The following FRMD5 variants were observed in gnomAD, a reference collection of about 807,000 sequenced individuals.
The protein encoded by FRMD5 is FERM domain-containing protein 5.
In FRMD5, 20 loss-of-function variants were observed where a neutral mutation model predicts 69.0. The ratio of observed to expected loss-of-function variants is 0.29; its 90% CI spans 0.20 to 0.42. The LOEUF is 0.42. Among genes scored for constraint, FRMD5 ranks in the 10% least tolerant of loss-of-function variants. FRMD5 has a pLI of 1.00. For synonymous variants in FRMD5, 271 were observed against 260.1 expected, an observed-to-expected ratio of 1.04 and a Z score of -0.40; for missense variants, 595 against 708.6, an observed-to-expected ratio of 0.84 and a Z score of 1.82.
At chr15:44,188,391 C>T (rs978808323) in intron 1 of FRMD5, among the ~76,000 whole-genome samples, 26 of 152,180 alleles carry the variant, frequency 1.7e-4, no homozygotes, top group African/African-American at 5.8e-4. Flanking sequence ...CTCTCCCTCT[C>T]CCTCACATTT....
At chr15:44,034,948 C>T in intron 1 of FRMD5, among the ~76,000 whole-genome samples, 1 of 152,164 alleles carries the variant, frequency 6.6e-6, no homozygotes. Context: ...ATACCTCAGT[C>T]CCTAAAGCTG....
chr15:43,949,422 C>G (rs1461680151), intron 1 of FRMD5, among the ~76,000 whole-genome samples: 1 of 152,176 alleles, frequency 6.6e-6, no homozygotes, highest in Admixed American at 6.5e-5. Flanking sequence ...ATTCTACTTC[C>G]TACTAAACTG....
chr15:44,198,251 G>T (rs149046363), upstream of FRMD5, among the ~76,000 whole-genome samples: 7 of 151,468 alleles, frequency 4.6e-5, no homozygotes, highest in South Asian at 6.3e-4. Context: ...TTGAGCCTAG[G>T]GGGAGGGGAA....
chr15:43,881,049 A>C (rs773504447), intron 13 of FRMD5, among the ~76,000 whole-genome samples: 1 of 152,328 alleles, frequency 6.6e-6, no homozygotes. Context: ...GTCTCTACAC[A>C]GAGAGCCTCA....
chr15:44,026,182 T>C (rs1260289762), intron 1 of FRMD5, among the ~76,000 whole-genome samples: 2 of 152,226 alleles, frequency 1.3e-5, no homozygotes, highest in African/African-American at 2.4e-5. Flanking sequence ...GGTTTCGCCA[T>C]GTTGGCCAGG....
chr15:44,198,805 GC>G (rs2078325341), upstream of FRMD5, among the ~76,000 whole-genome samples: 1 of 152,136 alleles, frequency 6.6e-6, no homozygotes, highest in Non-Finnish European at 1.5e-5. Flanking sequence ...TTAATAAAAG[GC>G]CTTATTTGCC....
chr15:44,037,469 C>CT (rs777164587), intron 1 of FRMD5, among the ~76,000 whole-genome samples: 1,623 of 137,544 alleles, frequency 0.012, 16 homozygotes, highest in African/African-American at 0.029. Flanking sequence ...TGTCTTTTCT[C>CT]TTTTTTTTTT....
chr15:44,075,200 G>A (rs371771854), intron 1 of FRMD5, among the ~76,000 whole-genome samples: 15 of 152,212 alleles, frequency 9.9e-5, no homozygotes, highest in African/African-American at 3.1e-4. Flanking sequence ...TTGATACAGA[G>A]CCATCATAAG....
intron 1 of FRMD5, among the ~76,000 whole-genome samples, chr15:44,056,790 C>A (rs58008065): frequency 0.028 from 4,255 of 152,222 alleles, 168 homozygotes; most frequent in African/African-American, 0.087. Context: ...CTCCTCCACA[C>A]CATTATCTCA....
intron 5 of FRMD5, among the ~76,000 whole-genome samples, chr15:43,907,324 A>G (rs1189675750): frequency 5.9e-5 from 9 of 152,172 alleles, no homozygotes; most frequent in African/African-American, 1.9e-4. Flanking sequence ...GGGAACTTCT[A>G]CTGTTAGCAA....
chr15:43,946,905 G>A (rs1023861917), intron 1 of FRMD5, among the ~76,000 whole-genome samples: 1 of 152,152 alleles, frequency 6.6e-6, no homozygotes, highest in African/African-American at 2.4e-5. Flanking sequence ...TAGATACTTT[G>A]GAAGTCTGGT....
chr15:43,989,899 C>A, intron 1 of FRMD5: 1 of 1,148,608 alleles, frequency 8.7e-7, no homozygotes. Flanking sequence ...GGCAGCCACA[C>A]ACAGCTCGTT....
At chr15:43,919,907 A>T in intron 2 of FRMD5, 98 bp from the exon 3 acceptor site, 1 of 1,123,308 alleles carries the variant, frequency 8.9e-7, no homozygotes, top group East Asian at 2.4e-5. Flanking sequence ...ATTGTAGCCT[A>T]GGGTGAAAGC....
intron 1 of FRMD5, among the ~76,000 whole-genome samples, chr15:44,043,345 C>T (rs1892285078): frequency 6.6e-6 from 1 of 152,198 alleles, no homozygotes; most frequent in Non-Finnish European, 1.5e-5. Flanking sequence ...AATGGCCATA[C>T]TGCCTAAAGT....
intron 1 of FRMD5, among the ~76,000 whole-genome samples, chr15:43,969,099 T>C (rs1222943305): frequency 2.0e-5 from 3 of 151,930 alleles, no homozygotes; most frequent in Non-Finnish European, 4.4e-5. Flanking sequence ...CTTTTTTTTT[T>C]TTTTTGGAGA....
intron 1 of FRMD5, among the ~76,000 whole-genome samples, chr15:44,081,653 T>C (rs1894000871): frequency 6.6e-6 from 1 of 152,094 alleles, no homozygotes; most frequent in Non-Finnish European, 1.5e-5. Context: ...AATATGTATT[T>C]AAAATTATTG....
chr15:43,989,827 A>C, intron 1 of FRMD5: 1 of 1,032,198 alleles, frequency 9.7e-7, no homozygotes, highest in Non-Finnish European at 1.5e-6. Context: ...GATCTGGGTC[A>C]TCTTCTTGTG....
rs1595465564 is a variant in FRMD5 at position 43,874,323 on chromosome 15, G to A, written c.1275C>T (p.Ser425=). Residue 425 remains serine (S), a synonymous_variant, in exon 14 of 14, where the codon AGC becomes AGT. Coordinates refer to ENST00000417257, the MANE Select transcript of FRMD5 (RefSeq NM_032892.5). ...GGGTGGGCAGCACGCTGTCTGCAGG[G>A]CTGTAGGCCTCGTCTGCAATCACAG... ...RVAVIADEAY[S]PADSVLPTPV... is the part of the protein sequence containing the mutation. 35 of 1,614,214 alleles carry A rather than the reference G, an allele frequency of 2.2e-5. No homozygotes were observed. The East Asian group carries it at 2.9e-4, about 13-fold the overall frequency.
At chr15:44,140,289 G>C (rs1595511963) in intron 1 of FRMD5, among the ~76,000 whole-genome samples, 1 of 151,934 alleles carries the variant, frequency 6.6e-6, no homozygotes, top group African/African-American at 2.4e-5. Context: ...ATCATATATA[G>C]AGAAAATAAC....
Sources: allele counts gnomAD v4.1 joint callset (sites outside exome capture counted in the v4.1 genomes callset), GRCh38; gene constraint gnomAD v4.1.1; transcripts MANE v1.5; gene names NCBI Gene and HGNC (gene_info 2026-07-23, HGNC 2026-07-21).